KCNMA1: variants seen among roughly 807,000 people sequenced by gnomAD.
KCNMA1 encodes the protein potassium calcium-activated channel subfamily M alpha 1.
KCNMA1 carries 29 observed loss-of-function variants against 140.0 expected under a neutral mutation model. That is an observed-to-expected ratio of 0.21 (90% CI 0.15 to 0.28). The LOEUF is 0.28. KCNMA1 is among the 10% of genes least tolerant of loss of function. KCNMA1 has a pLI of 1.00. For missense variants in KCNMA1, 880 were observed against 1,602.2 expected, an observed-to-expected ratio of 0.55 and a Z score of 7.70; for synonymous variants, 612 against 611.9, an observed-to-expected ratio of 1.00 and a Z score of 0.00.
At chr10:77,170,249 A>G (rs185243686) in intron 5 of KCNMA1, among the ~76,000 whole-genome samples, 9 of 152,262 alleles carry the variant, frequency 5.9e-5, no homozygotes, top group South Asian at 4.1e-4. Context: ...CTCACCACCT[A>G]TCATCTGTTC....
chr10:77,053,793 G>A (rs1403777869), intron 14 of KCNMA1, among the ~76,000 whole-genome samples: 2 of 152,158 alleles, frequency 1.3e-5, no homozygotes, highest in African/African-American at 4.8e-5. Flanking sequence ...TAAGAAAGTT[G>A]AAGGAGAGAA....
At chr10:77,104,362 T>C (rs1234060294) in intron 9 of KCNMA1, among the ~76,000 whole-genome samples, 2 of 152,286 alleles carry the variant, frequency 1.3e-5, no homozygotes, top group African/African-American at 4.8e-5. Context: ...GACGGGTTAG[T>C]CCATGACAAC....
chr10:77,156,376 T>C (rs1202828744), intron 5 of KCNMA1, among the ~76,000 whole-genome samples: 1 of 152,188 alleles, frequency 6.6e-6, no homozygotes, highest in African/African-American at 2.4e-5. Context: ...TTTCTCCAAT[T>C]TTTCTACATT....
chr10:77,471,197 G>A (rs921904713), intron 1 of KCNMA1, among the ~76,000 whole-genome samples: 2 of 113,840 alleles, frequency 1.8e-5, no homozygotes, highest in African/African-American at 7.0e-5. Context: ...CACCACACAT[G>A]CAACACACAC....
At chr10:77,175,971 C>T (rs1198522255) in intron 5 of KCNMA1, among the ~76,000 whole-genome samples, 1 of 152,128 alleles carries the variant, frequency 6.6e-6, no homozygotes, top group Admixed American at 6.5e-5. Context: ...AACCAGGCCA[C>T]AGCTTTCATT....
intron 3 of KCNMA1, among the ~76,000 whole-genome samples, chr10:77,216,357 T>A (rs1723766252): frequency 6.6e-6 from 1 of 151,448 alleles, no homozygotes; most frequent in African/African-American, 2.4e-5. Flanking sequence ...AATAAAACTA[T>A]GAAGAAGAAG....
At chr10:77,129,253 T>G (rs2097801883) in intron 5 of KCNMA1, among the ~76,000 whole-genome samples, 1 of 152,220 alleles carries the variant, frequency 6.6e-6, no homozygotes, top group African/African-American at 2.4e-5. Flanking sequence ...TCAAGAAGAT[T>G]CTAATGTACA....
intron 19 of KCNMA1, among the ~76,000 whole-genome samples, chr10:76,987,537 T>C (rs1029392201): frequency 2.6e-5 from 4 of 152,218 alleles, no homozygotes; most frequent in Non-Finnish European, 1.5e-5. Context: ...ACTGAGCAAA[T>C]GAATGGGAGT....
chr10:77,221,101 G>A (rs1040073195), intron 3 of KCNMA1, among the ~76,000 whole-genome samples: 4 of 152,238 alleles, frequency 2.6e-5, no homozygotes, highest in African/African-American at 9.6e-5. Context: ...AGTCCGTAGG[G>A]TCTTAACAAC....
At chr10:77,446,153 C>G (rs1160236654) in intron 1 of KCNMA1, among the ~76,000 whole-genome samples, 3 of 152,204 alleles carry the variant, frequency 2.0e-5, no homozygotes, top group Admixed American at 6.5e-5. Flanking sequence ...GATGAAACTT[C>G]TGTTCGGTGT....
intron 1 of KCNMA1, among the ~76,000 whole-genome samples, chr10:77,447,484 A>T (rs1371304079): frequency 6.6e-6 from 1 of 152,246 alleles, no homozygotes; most frequent in Non-Finnish European, 1.5e-5. Flanking sequence ...GAGATAATTT[A>T]GCATTTCTAC....
intron 2 of KCNMA1, among the ~76,000 whole-genome samples, chr10:77,380,791 T>G (rs530798946): frequency 6.6e-6 from 1 of 152,298 alleles, no homozygotes; most frequent in East Asian, 1.9e-4. Context: ...AGAACCCTCA[T>G]GAAAGCTGTT....
intron 14 of KCNMA1, among the ~76,000 whole-genome samples, chr10:77,061,225 AG>A (rs1286769247): frequency 1.1e-4 from 16 of 152,370 alleles, no homozygotes; most frequent in African/African-American, 3.8e-4. Context: ...GTTTAAGTTA[AG>A]AAAATGAAAA....
intron 15 of KCNMA1, among the ~76,000 whole-genome samples, chr10:77,034,128 C>T (rs928501084): frequency 6.6e-6 from 1 of 151,628 alleles, no homozygotes; most frequent in African/African-American, 2.4e-5. Flanking sequence ...TCTCTAGTCC[C>T]AGCTACTTGG....
intron 1 of KCNMA1, among the ~76,000 whole-genome samples, chr10:77,409,399 G>A (rs2096569200): frequency 6.6e-6 from 1 of 152,174 alleles, no homozygotes; most frequent in Admixed American, 6.5e-5. Flanking sequence ...ACCCAGCCCA[G>A]CCAGGTGACC....
intron 1 of KCNMA1, among the ~76,000 whole-genome samples, chr10:77,541,157 G>GA (rs2060096750): frequency 1.3e-5 from 2 of 151,970 alleles, no homozygotes; most frequent in East Asian, 1.9e-4. Flanking sequence ...TAAAACAGCA[G>GA]AAAAAACTCA....
chr10:77,327,737 A>T (rs1824207), intron 2 of KCNMA1, among the ~76,000 whole-genome samples: 2 of 152,112 alleles, frequency 1.3e-5, no homozygotes, highest in African/African-American at 2.4e-5. Context: ...ACTGCCCACA[A>T]TGGTGTAAAG....
At chr10:76,924,349 A>G (rs1298247667) in intron 23 of KCNMA1, among the ~76,000 whole-genome samples, 1 of 152,206 alleles carries the variant, frequency 6.6e-6, no homozygotes, top group Non-Finnish European at 1.5e-5. Flanking sequence ...TTTTGAGGGT[A>G]AAAGTATTTA....
At chr10:77,461,226 CTCTT>C (rs1220362115) in intron 1 of KCNMA1, among the ~76,000 whole-genome samples, 1 of 25,712 alleles carries the variant, frequency 3.9e-5, no homozygotes, top group Non-Finnish European at 7.3e-5. Context: ...CTTGTACTCC[CTCTT>C]TTTTTTTTTT....
Sources: allele counts gnomAD v4.1 joint callset (sites outside exome capture counted in the v4.1 genomes callset), GRCh38; gene constraint gnomAD v4.1.1; transcripts MANE v1.5; gene names NCBI Gene and HGNC (gene_info 2026-07-23, HGNC 2026-07-21).